The following HERC6 variants were observed in gnomAD, a reference collection of about 807,000 sequenced individuals.
HERC6 encodes the protein HECT and RLD domain containing E3 ubiquitin protein ligase family member 6.
Under a neutral mutation model 114.5 loss-of-function variants are expected in HERC6, and 101 were observed. The observed-to-expected ratio is 0.88, with a 90% CI of 0.75 to 1.04. HERC6 has a LOEUF of 1.04. HERC6 is among the 50% of genes least tolerant of loss of function. The probability of loss-of-function intolerance (pLI) is 0.00; values close to 1 mark genes in which losing one functional copy is unlikely to be tolerated. For synonymous variants in HERC6, 408 were observed against 436.2 expected (o/e 0.94, Z 0.81); for missense variants, 1,133 against 1,230.9 (o/e 0.92, Z 1.19).
At chr4:88,406,327 A>G (rs558043876) in intron 10 of HERC6, among the ~76,000 whole-genome samples, 14 of 152,188 alleles carry the variant, frequency 9.2e-5, no homozygotes, top group Non-Finnish European at 4.4e-5. Context: ...CTGGTTCAAA[A>G]TATGGTGATA....
chr4:88,420,722 A>G (rs1736958153), intron 13 of HERC6, among the ~76,000 whole-genome samples: 1 of 152,194 alleles, frequency 6.6e-6, no homozygotes, highest in Non-Finnish European at 1.5e-5. Context: ...GCTTGAGCTC[A>G]GGAGTTTGAG....
In HERC6 at chr4:88,396,018, G is replaced by A. The variant is rs756759258; in HGVS notation, c.763G>A (p.Gly255Arg). 55 of 1,589,644 alleles carry A rather than the reference G, an allele frequency of 3.5e-5. No homozygotes were observed. Among genetic ancestry groups the A allele is most frequent in the East Asian group, 4.6e-5 (2 of 43,318 alleles). Residue 255 changes from glycine to arginine, a missense_variant, in exon 6 of 23, where the codon GGG (glycine) becomes AGG (arginine). Gly to Arg is a moderately radical substitution (Grantham distance 125). Around this residue, in one of 3 missense-constraint regions of HERC6, gnomAD observed 735 missense variants for 754.0 expected, o/e 0.97. Transcript: ENST00000264346. ...TGATTCTTCCTTTGCTAAGCAGGAC[G>A]GGAAAGTGTTCACATTTGGAGACAA... is the stretch of plus-strand genomic sequence containing the variant. ...DAHTAVLTQD[G>R]KVFTFGDNRS... is the part of the protein sequence containing the mutation.
chr4:88,416,559 A>G (rs966370418), intron 12 of HERC6, among the ~76,000 whole-genome samples: 1 of 152,058 alleles, frequency 6.6e-6, no homozygotes, highest in Non-Finnish European at 1.5e-5. Context: ...TCATACTTCA[A>G]AAATAATTTA....
chr4:88,433,387 T>C (rs1738432644), intron 17 of HERC6, among the ~76,000 whole-genome samples: 1 of 152,138 alleles, frequency 6.6e-6, no homozygotes, highest in Non-Finnish European at 1.5e-5. Flanking sequence ...CCGAAATTCA[T>C]GTTAAAACTT....
intron 15 of HERC6, among the ~76,000 whole-genome samples, chr4:88,426,611 C>T (rs994418194): frequency 5.9e-5 from 9 of 151,826 alleles, no homozygotes; most frequent in Non-Finnish European, 1.0e-4. Context: ...TCCCAAGTAG[C>T]TGGGATTACA....
At chr4:88,380,495 G>A (rs972659995) in intron 1 of HERC6, among the ~76,000 whole-genome samples, 17 of 135,412 alleles carry the variant, frequency 1.3e-4, no homozygotes, top group Non-Finnish European at 2.4e-4. Flanking sequence ...GAGGCGGGCG[G>A]AGCACGAGGT....
intron 20 of HERC6, among the ~76,000 whole-genome samples, chr4:88,439,453 T>C (rs938340267): frequency 6.7e-6 from 1 of 150,110 alleles, no homozygotes; most frequent in African/African-American, 2.5e-5. Context: ...AGAAAGAAAA[T>C]GGAAGTGGGA....
chr4:88,396,861 C>T lies in HERC6; in HGVS notation c.898C>T (p.Leu300=), dbSNP rs1735258655. 4 of 1,578,420 alleles carry T rather than the reference C, an allele frequency of 2.5e-6. No homozygotes were observed. Among genetic ancestry groups the T allele is most frequent in the Non-Finnish European group, 3.4e-6 (4 of 1,160,186 alleles). Residue 300 remains leucine, a synonymous_variant, in exon 7 of 23, where the codon CTG becomes TTG. Transcript: ENST00000264346. ...TTCTCTTTCCTGTAGTTATCACACC[C>T]TGGCATATGTGCACACCACTGGTCA... ...SQIDCGSYHT[L]AYVHTTGQVV...
At chr4:88,423,124 T>A (rs188409314) in intron 13 of HERC6, among the ~76,000 whole-genome samples, 2 of 152,042 alleles carry the variant, frequency 1.3e-5, no homozygotes, top group African/African-American at 4.8e-5. Context: ...AGACGCAGTC[T>A]TTTCATTTGT....
intron 11 of HERC6, among the ~76,000 whole-genome samples, chr4:88,409,885 T>C (rs1735999323): frequency 6.6e-6 from 1 of 152,220 alleles, no homozygotes; most frequent in Non-Finnish European, 1.5e-5. Context: ...CAGAATCTCT[T>C]AGTGCTCAGG....
At chr4:88,420,696 C>T (rs1420950965) in intron 13 of HERC6, among the ~76,000 whole-genome samples, 1 of 152,092 alleles carries the variant, frequency 6.6e-6, no homozygotes, top group African/African-American at 2.4e-5. Flanking sequence ...CTTTGGGAAG[C>T]TAGGGTGGAA....
intron 11 of HERC6, among the ~76,000 whole-genome samples, chr4:88,412,195 G>T (rs1736144683): frequency 6.6e-6 from 1 of 152,090 alleles, no homozygotes; most frequent in African/African-American, 2.4e-5. Flanking sequence ...TAAATAAAAT[G>T]ATTTACACGA....
intron 12 of HERC6, among the ~76,000 whole-genome samples, chr4:88,415,767 G>A (rs544765088): frequency 6.6e-6 from 1 of 152,284 alleles, no homozygotes; most frequent in Admixed American, 6.5e-5. Flanking sequence ...CTGATTTCCT[G>A]TTGCACAGTA....
chr4:88,405,737 C>T (rs1014154217), intron 10 of HERC6, 124 bp downstream of exon 10: 25 of 443,234 alleles, frequency 5.6e-5, no homozygotes, highest in Non-Finnish European at 9.1e-5. Flanking sequence ...ACAGAGAACT[C>T]TGTAGGTTGT....
chr4:88,389,159 G>A (rs1304075586), intron 3 of HERC6, among the ~76,000 whole-genome samples: 1 of 152,112 alleles, frequency 6.6e-6, no homozygotes, highest in African/African-American at 2.4e-5. Flanking sequence ...AGGCCATGGG[G>A]TTGGGGCATG....
intron 7 of HERC6, 74 bp from the exon 8 acceptor site, chr4:88,398,068 T>G: frequency 1.1e-6 from 1 of 904,310 alleles, no homozygotes; most frequent in South Asian, 1.7e-5. Context: ...GTAAATAAAT[T>G]TTTGGCTTGA....
chr4:88,383,258 C>A lies in HERC6; in HGVS notation c.237C>A (p.Leu79=). The A allele has an allele frequency of 6.2e-7, 1 of 1,608,554 alleles. No individual in the cohort carries two copies. Among genetic ancestry groups the A allele is most frequent in the Admixed American group, 1.7e-5 (1 of 59,208 alleles). The part of the protein sequence containing the change: ...IQALETLIVD[L]VSCGKEHSLA... The stretch of plus-strand genomic sequence containing the variant: ...CATTGGAAACCCTAATTGTTGATCT[C>A]GTGAGCTGCGGGAAGGAGCACTCCC... Residue 79 remains leucine (L), a synonymous_variant, in exon 2 of 23, where the codon CTC becomes CTA. Transcript: ENST00000264346.
intron 16 of HERC6, 134 bp from the exon 17 acceptor site, chr4:88,431,028 G>A: frequency 1.4e-6 from 1 of 717,178 alleles, no homozygotes; most frequent in Non-Finnish European, 2.3e-6. Context: ...AAGACAGATT[G>A]CAAGGAGGTA....
rs151325389 is a variant in HERC6, at chr4:88,422,274, T to C, written c.1714-1586T>C. On this transcript the variant is annotated intron_variant, in intron 13 of 22. Coordinates refer to ENST00000264346, the MANE Select transcript of HERC6 (RefSeq NM_017912.4). Reference sequence around the variant, plus strand: ...TTTTCTCTGTATAGAATCATATAACTTGAAATAATAACAGTTTTGTTCCTA... The same window carrying C: ...TTTTCTCTGTATAGAATCATATAACCTGAAATAATAACAGTTTTGTTCCTA... 8.7e-4 allele frequency among the ~76,000 whole-genome samples: 132 copies of C among 152,346 alleles called. 4 individuals are homozygous for C. The highest frequency in any genetic ancestry group is 6.5e-3 in the Admixed American group (100 of 15,300).
Sources: allele counts gnomAD v4.1 joint callset (sites outside exome capture counted in the v4.1 genomes callset), GRCh38; gene constraint gnomAD v4.1.1; regional missense constraint gnomAD v4.1.1; transcripts MANE v1.5; gene names NCBI Gene and HGNC (gene_info 2026-07-23, HGNC 2026-07-21).